Variants in NDST3 observed in about 807,000 individuals in gnomAD.
NDST3 encodes N-deacetylase and N-sulfotransferase 3, also known as bifunctional heparan sulfate N-deacetylase/N-sulfotransferase 3.
NDST3 carries 58 observed loss-of-function variants against 96.1 expected under a neutral mutation model. That is an observed-to-expected ratio of 0.60 (90% CI 0.49 to 0.75). The LOEUF is 0.75. Among genes scored for constraint, NDST3 ranks in the 30% least tolerant of loss-of-function variants. The pLI is 0.00. For missense variants in NDST3, 788 were observed against 1,034.2 expected, an observed-to-expected ratio of 0.76 and a Z score of 3.27; for synonymous variants, 333 against 359.7, an observed-to-expected ratio of 0.93 and a Z score of 0.84.
intron 1 of NDST3, among the ~76,000 whole-genome samples, chr4:118,036,197 T>C (rs1051652347): frequency 1.3e-5 from 2 of 152,154 alleles, no homozygotes; most frequent in Admixed American, 1.3e-4. Context: ...ATTACAATTT[T>C]TTTTCTTTTA....
intron 6 of NDST3, among the ~76,000 whole-genome samples, chr4:118,224,288 G>T (rs1739730710): frequency 6.6e-6 from 1 of 152,054 alleles, no homozygotes. Flanking sequence ...GGGAAAAAAT[G>T]CTCAAGTCTT....
chr4:118,036,074 G>A (rs185667914), intron 1 of NDST3, among the ~76,000 whole-genome samples: 1 of 152,084 alleles, frequency 6.6e-6, no homozygotes, highest in Admixed American at 6.5e-5. Context: ...AGATAATCAG[G>A]CATTGGAGAT....
intron 3 of NDST3, among the ~76,000 whole-genome samples, chr4:118,112,772 TTCTAAACCCCTG>T (rs1329221720): frequency 6.6e-6 from 1 of 152,148 alleles, no homozygotes; most frequent in East Asian, 1.9e-4. Flanking sequence ...TCATCAGAGT[TTCTAAACCCCTG>T]AATCCATCTT....
chr4:118,040,885 A>ATATATATT (rs1560603351), intron 1 of NDST3, among the ~76,000 whole-genome samples: 8 of 142,556 alleles, frequency 5.6e-5, no homozygotes, highest in African/African-American at 2.0e-4. Context: ...ATATATATTT[A>ATATATATT]TATATATATA....
chr4:118,234,370 C>T (rs1033491848), intron 9 of NDST3, among the ~76,000 whole-genome samples: 6 of 152,022 alleles, frequency 3.9e-5, no homozygotes, highest in Admixed American at 2.0e-4. Flanking sequence ...GCTGTGATTG[C>T]ACCACTGCAC....
At chr4:118,215,051 A>G (rs879774294) in intron 6 of NDST3, among the ~76,000 whole-genome samples, 4 of 152,170 alleles carry the variant, frequency 2.6e-5, no homozygotes, top group African/African-American at 7.2e-5. Flanking sequence ...AAAGAGCTCA[A>G]TTTAGCCATG....
chr4:118,109,401 C>G (rs995396730), intron 3 of NDST3, among the ~76,000 whole-genome samples: 1 of 152,154 alleles, frequency 6.6e-6, no homozygotes, highest in Admixed American at 6.6e-5. Flanking sequence ...CCTGGCAACT[C>G]CATTATTTTT....
At chr4:118,091,743 CA>C (rs1411981886) in intron 2 of NDST3, among the ~76,000 whole-genome samples, 44 of 151,864 alleles carry the variant, frequency 2.9e-4, no homozygotes, top group Admixed American at 3.9e-4. Context: ...CCACTATCAC[CA>C]CCACATCTAC....
intron 5 of NDST3, among the ~76,000 whole-genome samples, chr4:118,142,797 A>T (rs1331356715): frequency 1.3e-5 from 2 of 152,184 alleles, no homozygotes; most frequent in African/African-American, 4.8e-5. Context: ...TATAATTGCA[A>T]AAGGCTATAA....
At chr4:118,190,102 T>C (rs1737211316) in intron 6 of NDST3, among the ~76,000 whole-genome samples, 1 of 152,028 alleles carries the variant, frequency 6.6e-6, no homozygotes, top group Non-Finnish European at 1.5e-5. Flanking sequence ...GTTTATACAT[T>C]CTGTATACAG....
rs141207801 is a variant in NDST3, at chr4:118,112,857, C to T, written c.1070-1949C>T. Among the ~76,000 whole-genome samples the T allele has an allele frequency of 1.7e-4, 26 of 152,206 alleles. No individual in the cohort carries two copies. The East Asian group carries it at 2.5e-3, about 15-fold the overall frequency. On this transcript the variant is annotated intron_variant, in intron 3 of 13. Coordinates refer to ENST00000296499, the MANE Select transcript of NDST3 (RefSeq NM_004784.3). ...GAGCCATAAGATAACCACTCAGAAG[C>T]GCCAAGAATGCTGGTGACTCATTCA...
At chr4:118,119,496 G>C (rs1731375026) in intron 4 of NDST3, among the ~76,000 whole-genome samples, 1 of 152,090 alleles carries the variant, frequency 6.6e-6, no homozygotes, top group Non-Finnish European at 1.5e-5. Context: ...ATTCCAGTCG[G>C]GTTGCAAAGA....
chr4:118,068,237 G>A (rs912316509), intron 2 of NDST3, among the ~76,000 whole-genome samples: 1 of 148,028 alleles, frequency 6.8e-6, no homozygotes, highest in Admixed American at 6.8e-5. Flanking sequence ...GAACTCCCGG[G>A]CTCAAGCTCA....
intron 7 of NDST3, 119 bp downstream of exon 7, chr4:118,224,792 A>C (rs1000224013): frequency 3.1e-5 from 26 of 846,196 alleles, no homozygotes; most frequent in Non-Finnish European, 4.0e-5. Flanking sequence ...AATGTTAGTA[A>C]ATTTGAGAAA....
At chr4:118,198,302 T>A (rs1690960659) in intron 6 of NDST3, among the ~76,000 whole-genome samples, 1 of 152,210 alleles carries the variant, frequency 6.6e-6, no homozygotes, top group South Asian at 2.1e-4. Context: ...ATTTAGTTAG[T>A]TGCTTTTTAT....
intron 3 of NDST3, among the ~76,000 whole-genome samples, chr4:118,109,683 C>T (rs1412674795): frequency 1.3e-5 from 2 of 152,056 alleles, no homozygotes; most frequent in Non-Finnish European, 2.9e-5. Context: ...GGAAAAGATA[C>T]AAAATTTAAT....
intron 4 of NDST3, among the ~76,000 whole-genome samples, chr4:118,129,631 C>T (rs923142876): frequency 1.3e-5 from 2 of 151,914 alleles, no homozygotes; most frequent in Non-Finnish European, 2.9e-5. Context: ...GAAAATGATC[C>T]ATGTGCTGAG....
intron 1 of NDST3, among the ~76,000 whole-genome samples, chr4:118,045,720 A>G (rs572763444): frequency 6.6e-6 from 1 of 152,306 alleles, no homozygotes; most frequent in Non-Finnish European, 1.5e-5. Flanking sequence ...CTTGGTACAG[A>G]GGCCCAAATG....
At chr4:118,060,368 T>C (rs1282153399) in intron 2 of NDST3, among the ~76,000 whole-genome samples, 2 of 152,296 alleles carry the variant, frequency 1.3e-5, no homozygotes, top group Non-Finnish European at 1.5e-5. Context: ...AATACAGCTA[T>C]ACCAGCTTTC....
Sources: allele counts gnomAD v4.1 joint callset (sites outside exome capture counted in the v4.1 genomes callset), GRCh38; gene constraint gnomAD v4.1.1; transcripts MANE v1.5; gene names NCBI Gene and HGNC (gene_info 2026-07-23, HGNC 2026-07-21).